LRMDA: variants seen among roughly 807,000 people sequenced by gnomAD.
LRMDA encodes the protein leucine-rich melanocyte differentiation-associated protein.
In LRMDA, 18 loss-of-function variants were observed where a neutral mutation model predicts 29.8. The ratio of observed to expected loss-of-function variants is 0.60; its 90% CI spans 0.42 to 0.90. The LOEUF (loss-of-function observed/expected upper bound fraction) is 0.90. Among genes scored for constraint, LRMDA ranks in the 40% least tolerant of loss-of-function variants. The pLI, the probability that LRMDA is intolerant of heterozygous loss-of-function variation, is 0.00. For missense variants in LRMDA, 273 were observed against 273.9 expected, an observed-to-expected ratio of 1.00 and a Z score of 0.02; for synonymous variants, 125 against 109.4, an observed-to-expected ratio of 1.14 and a Z score of -0.89.
At chr10:76,138,342 G>T (rs1850134910) in intron 5 of LRMDA, among the ~76,000 whole-genome samples, 1 of 152,098 alleles carries the variant, frequency 6.6e-6, no homozygotes, top group African/African-American at 2.4e-5. Context: ...ACCACTCCTT[G>T]AATTTTGCCC....
At chr10:75,690,810 A>T (rs1842135170) in intron 2 of LRMDA, among the ~76,000 whole-genome samples, 1 of 151,080 alleles carries the variant, frequency 6.6e-6, no homozygotes, top group South Asian at 2.1e-4. Context: ...TCTAAAAAAT[A>T]AAAAAATAAA....
intron 2 of LRMDA, among the ~76,000 whole-genome samples, chr10:75,728,298 T>C (rs1046837114): frequency 1.2e-4 from 18 of 152,136 alleles, no homozygotes; most frequent in African/African-American, 4.1e-4. Context: ...AGACCAACAG[T>C]GATGAGTGCA....
chr10:76,496,879 G>A (rs1441260954), intron 6 of LRMDA, among the ~76,000 whole-genome samples: 4 of 74,192 alleles, frequency 5.4e-5, no homozygotes, highest in African/African-American at 1.3e-4. Context: ...AAAAGCACTG[G>A]ATTGGCAGGC....
chr10:76,345,709 T>C (rs1841100614), intron 6 of LRMDA, among the ~76,000 whole-genome samples: 1 of 152,030 alleles, frequency 6.6e-6, no homozygotes, highest in African/African-American at 2.4e-5. Context: ...CTTTAAAGCT[T>C]TGGACCATGT....
intron 2 of LRMDA, among the ~76,000 whole-genome samples, chr10:75,492,264 G>C (rs4745778): frequency 0.25 from 38,014 of 152,006 alleles, 4,937 homozygotes; most frequent in African/African-American, 0.32. Flanking sequence ...CCTTATCTGT[G>C]CTAAGAGCAT....
chr10:76,510,831 C>T (rs1843003151), intron 6 of LRMDA, among the ~76,000 whole-genome samples: 2 of 152,192 alleles, frequency 1.3e-5, no homozygotes. Flanking sequence ...TGTGTCTCTA[C>T]TGTATCGCCT....
At chr10:76,043,502 G>C (rs182667445) in intron 3 of LRMDA, among the ~76,000 whole-genome samples, 1 of 151,654 alleles carries the variant, frequency 6.6e-6, no homozygotes, top group African/African-American at 2.4e-5. Flanking sequence ...CTAGTGGAGC[G>C]AGACAGTGAT....
chr10:75,603,798 C>A (rs1038845283), intron 2 of LRMDA, among the ~76,000 whole-genome samples: 1 of 152,130 alleles, frequency 6.6e-6, no homozygotes, highest in Non-Finnish European at 1.5e-5. Context: ...GTTGTTCAAG[C>A]TTTTAAAGAA....
chr10:76,226,521 T>C (rs769956009), intron 5 of LRMDA, among the ~76,000 whole-genome samples: 1 of 152,032 alleles, frequency 6.6e-6, no homozygotes, highest in Non-Finnish European at 1.5e-5. Context: ...AGGCAGAGGT[T>C]GCAGTGACCC....
intron 2 of LRMDA, among the ~76,000 whole-genome samples, chr10:75,843,617 G>A (rs149796830): frequency 6.6e-6 from 1 of 152,330 alleles, no homozygotes; most frequent in East Asian, 1.9e-4. Context: ...AGAGCACTTT[G>A]AAAAGTATAA....
intron 2 of LRMDA, among the ~76,000 whole-genome samples, chr10:75,447,751 C>T (rs767645539): frequency 6.6e-6 from 1 of 152,056 alleles, no homozygotes; most frequent in Non-Finnish European, 1.5e-5. Context: ...ACATAATTAG[C>T]TGGGTGTGGT....
At chr10:76,172,630 C>A (rs2132194776) in intron 5 of LRMDA, among the ~76,000 whole-genome samples, 1 of 152,268 alleles carries the variant, frequency 6.6e-6, no homozygotes, top group Non-Finnish European at 1.5e-5. Flanking sequence ...TCTAAAGGAG[C>A]AGATGGAGCA....
intron 5 of LRMDA, among the ~76,000 whole-genome samples, chr10:76,313,572 T>C (rs1422427675): frequency 6.6e-6 from 1 of 152,184 alleles, no homozygotes; most frequent in Non-Finnish European, 1.5e-5. Flanking sequence ...TCCTAGACTA[T>C]AAAATAGCCC....
At chr10:75,976,392 G>A (rs750463396) in intron 2 of LRMDA, among the ~76,000 whole-genome samples, 12 of 152,216 alleles carry the variant, frequency 7.9e-5, no homozygotes, top group Non-Finnish European at 1.8e-4. Context: ...ATAACTGGCA[G>A]TCTCTCTCTA....
intron 6 of LRMDA, among the ~76,000 whole-genome samples, chr10:76,465,323 C>A (rs1842553582): frequency 6.6e-6 from 1 of 152,142 alleles, no homozygotes; most frequent in South Asian, 2.1e-4. Context: ...GTGACTTGAG[C>A]TGAAATTGTA....
chr10:76,102,685 C>A (rs958988445), intron 5 of LRMDA, among the ~76,000 whole-genome samples: 2 of 152,106 alleles, frequency 1.3e-5, no homozygotes, highest in African/African-American at 2.4e-5. Flanking sequence ...CAGGGTCTCA[C>A]TCTGTCACCC....
intron 2 of LRMDA, among the ~76,000 whole-genome samples, chr10:75,546,418 T>C (rs370558199): frequency 1.3e-5 from 2 of 152,228 alleles, no homozygotes; most frequent in East Asian, 3.8e-4. Context: ...GTGTACACTA[T>C]TGATCCCAAT....
At chr10:76,246,106 A>G (rs184593194) in intron 5 of LRMDA, among the ~76,000 whole-genome samples, 13 of 152,288 alleles carry the variant, frequency 8.5e-5, no homozygotes, top group Non-Finnish European at 1.2e-4. Context: ...ACCAAAGTTC[A>G]CAGCCTTTGG....
At chr10:75,753,161 C>T (rs936010261) in intron 2 of LRMDA, among the ~76,000 whole-genome samples, 1 of 152,004 alleles carries the variant, frequency 6.6e-6, no homozygotes, top group Non-Finnish European at 1.5e-5. Context: ...TTTTTAAAGC[C>T]CTACAAAGCT....
Sources: gnomAD v4.1 joint callset for allele counts (sites outside exome capture counted in the v4.1 genomes callset) on GRCh38, gnomAD v4.1.1 for gene constraint, MANE v1.5 for transcripts, NCBI Gene and HGNC (gene_info 2026-07-23, HGNC 2026-07-21) for gene names.